GLMN: variants seen among roughly 807,000 people sequenced by gnomAD.
The protein encoded by GLMN is glomulin.
GLMN carries 75 observed loss-of-function variants against 87.8 expected under a neutral mutation model. The ratio of observed to expected loss-of-function variants is 0.85; its 90% CI spans 0.71 to 1.04. The LOEUF (loss-of-function observed/expected upper bound fraction) is 1.04. Ranked by LOEUF, GLMN falls within the 50% of genes least tolerant of loss-of-function variation. GLMN has a pLI of 0.00. For synonymous variants in GLMN, 206 were observed against 221.6 expected, an observed-to-expected ratio of 0.93 and a Z score of 0.63; for missense variants, 588 against 658.8, an observed-to-expected ratio of 0.89 and a Z score of 1.18.
chr1:92,252,061 G>T (rs1653590138), intron 16 of GLMN, among the ~76,000 whole-genome samples: 2 of 152,116 alleles, frequency 1.3e-5, no homozygotes, highest in Non-Finnish European at 2.9e-5. Flanking sequence ...GCCTCCCAAA[G>T]TGCTGGGATT....
At chr1:92,288,865 C>G in intron 6 of GLMN, 49 bp downstream of exon 6, 1 of 893,926 alleles carries the variant, frequency 1.1e-6, no homozygotes, top group Non-Finnish European at 1.9e-6. Context: ...AATAACTGAA[C>G]TATCAATTAC....
Position 92,266,721 on chromosome 1 carries a change from T to G in GLMN, c.1119A>C (p.Thr373=), listed in dbSNP as rs1458968877. The G allele has an allele frequency of 6.2e-7, 1 of 1,602,644 alleles. No individual in the cohort carries two copies. Among genetic ancestry groups the G allele is most frequent in the Non-Finnish European group, 8.5e-7 (1 of 1,170,636 alleles). Residue 373 remains threonine, a synonymous_variant, in exon 12 of 19, where the codon ACA becomes ACC. Coordinates refer to ENST00000370360, the MANE Select transcript of GLMN (RefSeq NM_053274.3). The stretch of plus-strand genomic sequence containing the variant: ...ATACCAGTGTCTCAATGGGGCAAAG[T>G]GTCATTACTTTCACTAAGCCCTGGA... ...TVPQGLVKVM[T]LCPIETLRKK... is the part of the protein sequence containing the mutation.
intron 3 of GLMN, among the ~76,000 whole-genome samples, chr1:92,292,647 T>A (rs1649544021): frequency 6.8e-6 from 1 of 147,032 alleles, no homozygotes; most frequent in African/African-American, 2.5e-5. Context: ...ATGGTCTCGA[T>A]CTCCTGACCT....
At chr1:92,256,335 G>A (rs1420858654) in intron 16 of GLMN, among the ~76,000 whole-genome samples, 2 of 151,918 alleles carry the variant, frequency 1.3e-5, no homozygotes, top group African/African-American at 4.8e-5. Context: ...CAAAGAGGAG[G>A]TGGTACCATT....
At chr1:92,302,590 ATTTTT>A (rs36067595), upstream of GLMN, among the ~76,000 whole-genome samples, 6 of 74,314 alleles carry the variant, frequency 8.1e-5, no homozygotes, top group East Asian at 8.4e-4. Flanking sequence ...TCCGCATTAA[ATTTTT>A]TTTTTTTTTT....
At chr1:92,247,556 G>GT (rs1652856454) in intron 17 of GLMN, among the ~76,000 whole-genome samples, 1 of 152,108 alleles carries the variant, frequency 6.6e-6, no homozygotes, top group South Asian at 2.1e-4. Context: ...TTCATAATTT[G>GT]TATGGATTTA....
intron 7 of GLMN, among the ~76,000 whole-genome samples, chr1:92,281,544 T>A (rs1648053286): frequency 6.6e-6 from 1 of 152,176 alleles, no homozygotes. Flanking sequence ...AGTGACACTA[T>A]GAAGAAACTG....
chr1:92,258,636 A>G (rs1316345202), intron 16 of GLMN, among the ~76,000 whole-genome samples: 2 of 152,182 alleles, frequency 1.3e-5, no homozygotes, highest in African/African-American at 4.8e-5. Context: ...CATCATTCTC[A>G]GCAAACTAAC....
At chr1:92,301,493 C>A, upstream of GLMN, 1 of 1,585,036 alleles carries the variant, frequency 6.3e-7, no homozygotes, top group Non-Finnish European at 8.6e-7. Context: ...GAACTAGAAG[C>A]AGCTGTGAGA....
chr1:92,265,333 A>AAC (rs1553137912), intron 13 of GLMN, among the ~76,000 whole-genome samples: 83 of 150,928 alleles, frequency 5.5e-4, no homozygotes, highest in Middle Eastern at 3.4e-3. Context: ...CAAAAAAAAA[A>AAC]AAAAAACTAG....
At chr1:92,329,086 TA>T in the GLMN span, among the ~76,000 whole-genome samples, 1 of 152,192 alleles carries the variant, frequency 6.6e-6, no homozygotes, top group African/African-American at 2.4e-5. Context: ...GTATTTTTTT[TA>T]AGTGCGCTGG....
the GLMN span, among the ~76,000 whole-genome samples, chr1:92,308,002 G>T: frequency 2.0e-5 from 3 of 151,940 alleles, no homozygotes; most frequent in South Asian, 2.1e-4. Context: ...GTTACTTGTG[G>T]TAAGGTAGGA....
chr1:92,248,782 C>T (rs1309883252), intron 16 of GLMN, among the ~76,000 whole-genome samples: 2 of 152,064 alleles, frequency 1.3e-5, no homozygotes, highest in African/African-American at 2.4e-5. Context: ...AAAATCTACA[C>T]ATGTCTATGC....
the GLMN span, among the ~76,000 whole-genome samples, chr1:92,320,015 A>C: frequency 6.6e-6 from 1 of 152,116 alleles, no homozygotes; most frequent in Non-Finnish European, 1.5e-5. Flanking sequence ...AAAAAAAAGA[A>C]AAAGAAAAAG....
intron 4 of GLMN, among the ~76,000 whole-genome samples, chr1:92,290,523 T>C (rs1322638647): frequency 6.6e-6 from 1 of 152,222 alleles, no homozygotes; most frequent in African/African-American, 2.4e-5. Flanking sequence ...AAGAAGTCAA[T>C]GGATCTTTAG....
At chr1:92,351,558 C>T in the GLMN span, among the ~76,000 whole-genome samples, 1 of 152,072 alleles carries the variant, frequency 6.6e-6, no homozygotes, top group Admixed American at 6.6e-5. Context: ...GCTTCTGTCC[C>T]ATTTACTCCT....
chr1:92,359,744 T>C, the GLMN span, among the ~76,000 whole-genome samples: 1 of 152,192 alleles, frequency 6.6e-6, no homozygotes, highest in African/African-American at 2.4e-5. Flanking sequence ...AGCTGAAGAA[T>C]GGTGATGAAA....
the GLMN span, among the ~76,000 whole-genome samples, chr1:92,319,178 T>G: frequency 6.6e-6 from 1 of 152,184 alleles, no homozygotes; most frequent in Non-Finnish European, 1.5e-5. Context: ...TCTCTGAAAC[T>G]CCTTTTGATT....
the GLMN span, among the ~76,000 whole-genome samples, chr1:92,358,141 G>C: frequency 0.31 from 47,604 of 151,992 alleles, 7,952 homozygotes; most frequent in Non-Finnish European, 0.36. Flanking sequence ...TCCACCTTGC[G>C]TCAGCCCTTC....
Sources: gnomAD v4.1 joint callset for allele counts (sites outside exome capture counted in the v4.1 genomes callset) on GRCh38, gnomAD v4.1.1 for gene constraint, MANE v1.5 for transcripts, NCBI Gene and HGNC (gene_info 2026-07-23, HGNC 2026-07-21) for gene names.